The following CTNND2 variants were observed in gnomAD, a reference collection of about 807,000 sequenced individuals.
CTNND2 encodes the protein catenin delta-2.
CTNND2 carries 22 observed loss-of-function variants against 144.4 expected under a neutral mutation model. The observed-to-expected ratio is 0.15, with a 90% confidence interval of 0.11 to 0.22. CTNND2 has a LOEUF of 0.22. CTNND2 is among the 10% of genes least tolerant of loss of function. The pLI is 1.00. For missense variants in CTNND2, 1,353 were observed against 1,618.8 expected (o/e 0.84, Z 2.82); for synonymous variants, 751 against 695.6 (o/e 1.08, Z -1.25).
At chr5:11,638,306 T>A (rs1287501159) in intron 2 of CTNND2, among the ~76,000 whole-genome samples, 1 of 152,168 alleles carries the variant, frequency 6.6e-6, no homozygotes, top group East Asian at 1.9e-4. Flanking sequence ...ATTTTTGGTA[T>A]CTTATTCTAT....
chr5:11,044,207 C>G (rs1382256516), intron 16 of CTNND2, among the ~76,000 whole-genome samples: 3 of 152,170 alleles, frequency 2.0e-5, no homozygotes, highest in Non-Finnish European at 2.9e-5. Flanking sequence ...TTCTGAAATG[C>G]AGACACCAAA....
At chr5:11,703,540 T>C (rs1359602656) in intron 2 of CTNND2, among the ~76,000 whole-genome samples, 1 of 152,224 alleles carries the variant, frequency 6.6e-6, no homozygotes, top group African/African-American at 2.4e-5. Context: ...CAACAGCAAG[T>C]ATAATATGCA....
intron 16 of CTNND2, among the ~76,000 whole-genome samples, chr5:11,077,092 A>G (rs2149623893): frequency 6.6e-6 from 1 of 152,294 alleles, no homozygotes; most frequent in East Asian, 1.9e-4. Context: ...TTTTAAGATG[A>G]CGACAAGCAG....
chr5:11,552,588 G>A (rs1398766523), intron 3 of CTNND2, among the ~76,000 whole-genome samples: 6 of 152,202 alleles, frequency 3.9e-5, no homozygotes, highest in Admixed American at 2.6e-4. Flanking sequence ...ACAGGTGAGC[G>A]AAACTGAGAT....
chr5:11,151,117 A>T (rs1003732826), intron 12 of CTNND2, among the ~76,000 whole-genome samples: 6 of 152,206 alleles, frequency 3.9e-5, no homozygotes, highest in African/African-American at 1.4e-4. Context: ...GGTAAATGTC[A>T]GTTTTATTTA....
chr5:11,529,030 A>C (rs548639472), intron 3 of CTNND2, among the ~76,000 whole-genome samples: 5 of 152,350 alleles, frequency 3.3e-5, no homozygotes, highest in African/African-American at 1.2e-4. Flanking sequence ...CCAGGATCAC[A>C]GTGTGCTAAC....
chr5:11,745,694 C>T (rs748173640), intron 1 of CTNND2, among the ~76,000 whole-genome samples: 15 of 152,200 alleles, frequency 9.9e-5, no homozygotes, highest in Non-Finnish European at 2.1e-4. Context: ...TAACCTGCCT[C>T]TCATGCCTGC....
chr5:11,255,086 G>GT (rs553233796), intron 9 of CTNND2, among the ~76,000 whole-genome samples: 1 of 152,250 alleles, frequency 6.6e-6, no homozygotes, highest in African/African-American at 2.4e-5. Flanking sequence ...TCATCTATGA[G>GT]TTTTTTTCCT....
intron 3 of CTNND2, among the ~76,000 whole-genome samples, chr5:11,424,211 T>A (rs1762591260): frequency 6.6e-6 from 1 of 152,172 alleles, no homozygotes; most frequent in Non-Finnish European, 1.5e-5. Context: ...GAAGTGTATG[T>A]GAAACATGCA....
chr5:11,459,252 C>A (rs529466757), intron 3 of CTNND2, among the ~76,000 whole-genome samples: 3 of 152,154 alleles, frequency 2.0e-5, no homozygotes, highest in East Asian at 1.9e-4. Flanking sequence ...ACAATGCTGT[C>A]GATGATGAAA....
At chr5:11,595,033 C>T (rs138499446) in intron 2 of CTNND2, among the ~76,000 whole-genome samples, 1,818 of 152,274 alleles carry the variant, frequency 0.012, 34 homozygotes, top group African/African-American at 0.042. Context: ...AGCCAAATTA[C>T]TGCGTCTGCC....
At chr5:11,490,647 G>A (rs954911566) in intron 3 of CTNND2, among the ~76,000 whole-genome samples, 3 of 152,038 alleles carry the variant, frequency 2.0e-5, no homozygotes, top group Non-Finnish European at 4.4e-5. Flanking sequence ...CACACACACA[G>A]AAACACACTA....
intron 1 of CTNND2, among the ~76,000 whole-genome samples, chr5:11,879,558 A>T (rs1173373473): frequency 1.3e-5 from 2 of 151,814 alleles, no homozygotes; most frequent in African/African-American, 4.8e-5. Flanking sequence ...ACATTATTGT[A>T]ATAATATTTC....
At chr5:11,542,170 A>C (rs974383302) in intron 3 of CTNND2, among the ~76,000 whole-genome samples, 2 of 152,090 alleles carry the variant, frequency 1.3e-5, no homozygotes. Flanking sequence ...AAACACAATC[A>C]ATAATGAACT....
At chr5:11,498,917 G>GTTTT (rs1022363396) in intron 3 of CTNND2, among the ~76,000 whole-genome samples, 1 of 151,344 alleles carries the variant, frequency 6.6e-6, no homozygotes, top group Non-Finnish European at 1.5e-5. Flanking sequence ...CTGGATGTGT[G>GTTTT]TTTTTTTTTA....
intron 16 of CTNND2, among the ~76,000 whole-genome samples, chr5:11,072,850 G>T (rs1053831191): frequency 2.0e-5 from 3 of 152,170 alleles, no homozygotes; most frequent in African/African-American, 7.2e-5. Flanking sequence ...GTGTATGCCC[G>T]GGGGCTTGCG....
chr5:11,873,680 G>A (rs1294953762), intron 1 of CTNND2, among the ~76,000 whole-genome samples: 1 of 152,142 alleles, frequency 6.6e-6, no homozygotes, highest in African/African-American at 2.4e-5. Flanking sequence ...TATCACCTTG[G>A]GCTAGATACC....
rs572883952 is a variant in CTNND2 at position 10,991,826 on chromosome 5, T to C, written c.3211+725A>G. 5.9e-5 allele frequency among the ~76,000 whole-genome samples: 9 copies of C among 152,388 alleles called. No homozygotes were observed. In the South Asian group the frequency reaches 1.4e-3, roughly 25 times the overall value. On this transcript the variant is annotated intron_variant, in intron 19 of 21. Transcript: ENST00000304623. ...GAAAGCATCAGTGCTATGTGTCAAA[T>C]GTATATCACACTGAAGGAAGAAAGC... is the stretch of plus-strand genomic sequence containing the variant.
chr5:11,138,620 T>C (rs991414796), intron 12 of CTNND2, among the ~76,000 whole-genome samples: 2 of 152,240 alleles, frequency 1.3e-5, no homozygotes, highest in African/African-American at 4.8e-5. Flanking sequence ...GGGTCTGTGA[T>C]TGGTGTGAGT....
Sources: allele counts gnomAD v4.1 joint callset (sites outside exome capture counted in the v4.1 genomes callset), GRCh38; gene constraint gnomAD v4.1.1; transcripts MANE v1.5; gene names NCBI Gene and HGNC (gene_info 2026-07-23, HGNC 2026-07-21).